The following MALRD1 variants were observed in gnomAD, a reference collection of about 807,000 sequenced individuals.
MALRD1 encodes the protein MAM and LDL receptor class A domain containing 1.
A neutral mutation model predicts 242.1 loss-of-function variants in MALRD1; 247 were observed. The observed-to-expected ratio is 1.02, with a 90% CI of 0.92 to 1.13. The LOEUF (loss-of-function observed/expected upper bound fraction) is 1.13, where lower values mean the gene tolerates loss of function less well. Ranked by LOEUF, MALRD1 falls within the 50% of genes most tolerant of loss-of-function variation. MALRD1 has a pLI of 0.00. For missense variants in MALRD1, 2,989 were observed against 2,533.1 expected (o/e 1.18, Z -3.86); for synonymous variants, 995 against 866.6 (o/e 1.15, Z -2.60).
rs547602509 is a variant in MALRD1 at position 19,693,580 on chromosome 10, A to T, written c.6314+1026A>T. On this transcript the variant is annotated intron_variant, in intron 38 of 39. Coordinates refer to ENST00000454679, the MANE Select transcript of MALRD1 (RefSeq NM_001142308.3). ...ACTGCTCAAGGAAATAAAAGAGGAC[A>T]CAAACAAATGGAAGAACCTTCCATG... 2.6e-5 allele frequency among the ~76,000 whole-genome samples: 4 copies of T among 152,334 alleles called. No homozygotes were observed. In the South Asian group the frequency reaches 8.3e-4, roughly 32 times the overall value.
intron 13 of MALRD1, among the ~76,000 whole-genome samples, chr10:19,174,263 G>A (rs77048842): frequency 0.071 from 10,823 of 152,142 alleles, 458 homozygotes; most frequent in African/African-American, 0.12. Context: ...GAAGTAAGCC[G>A]GATAATTCCT....
chr10:19,215,792 ATAGTATATTTATTTATATAAATAAT>A (rs1180132058), intron 18 of MALRD1, among the ~76,000 whole-genome samples: 2 of 54,008 alleles, frequency 3.7e-5, no homozygotes, highest in Admixed American at 2.4e-4. Flanking sequence ...GTATAAATAA[ATAGTATATTTATTTATATAAATAAT>A]TAGTATAAAT....
At chr10:19,626,857 T>C (rs1427479045) in intron 36 of MALRD1, among the ~76,000 whole-genome samples, 1 of 152,162 alleles carries the variant, frequency 6.6e-6, no homozygotes, top group Non-Finnish European at 1.5e-5. Context: ...TGTTTGATTT[T>C]GAAATAGGCA....
At chr10:19,631,170 G>A (rs1362621993) in intron 36 of MALRD1, among the ~76,000 whole-genome samples, 1 of 152,066 alleles carries the variant, frequency 6.6e-6, no homozygotes, top group Non-Finnish European at 1.5e-5. Flanking sequence ...GTAGGCCCCA[G>A]TGTCTGTTGT....
At chr10:19,082,487 G>A (rs184756929) in intron 2 of MALRD1, among the ~76,000 whole-genome samples, 1 of 151,760 alleles carries the variant, frequency 6.6e-6, no homozygotes, top group Non-Finnish European at 1.5e-5. Context: ...TATGATTTCT[G>A]TAGTTCTTTA....
chr10:19,101,262 T>TA (rs1339143302), intron 4 of MALRD1, among the ~76,000 whole-genome samples: 4 of 132,492 alleles, frequency 3.0e-5, no homozygotes, highest in African/African-American at 8.6e-5. Flanking sequence ...ATATATATAT[T>TA]CAAAATATAT....
rs1215792088 is a variant in MALRD1 at position 19,133,851 on chromosome 10, C to G, written c.1111-5C>G. The stretch of plus-strand genomic sequence containing the variant: ...ATGAGTGATGTCTTTCTCTTCAAAT[C>G]AAAGGAAGAAGAAATATTTTGGACA... On this transcript the variant is annotated splice_region_variant and splice_polypyrimidine_tract_variant and intron_variant, in intron 8 of 39. Transcript: ENST00000454679. 1.2e-5 allele frequency: 15 copies of G among 1,215,682 alleles called. No individual in the cohort carries two copies. The highest frequency in any genetic ancestry group is 4.7e-5 in the African/African-American group (3 of 63,698). 75.3% of individuals were successfully genotyped at this position (1,215,682 alleles called of 1,614,324 possible).
intron 8 of MALRD1, among the ~76,000 whole-genome samples, chr10:19,133,485 A>G (rs1004056591): frequency 2.6e-5 from 4 of 152,180 alleles, no homozygotes; most frequent in African/African-American, 9.7e-5. Flanking sequence ...CTTTTCTAGT[A>G]TCATGGCAGT....
Position 19,400,100 on chromosome 10 carries a change from T to C in MALRD1, c.4845+10491T>C, listed in dbSNP as rs182510290. On this transcript the variant is annotated intron_variant, in intron 28 of 39. Transcript: ENST00000454679. The stretch of plus-strand genomic sequence containing the variant: ...GATTTAAACATATATTTAGTGAGCT[T>C]TTCCTTAATACACTGTCTACTATCA... 3.4e-4 allele frequency among the ~76,000 whole-genome samples: 52 copies of C among 152,306 alleles called. No individual in the cohort carries two copies. The East Asian group carries it at 7.5e-3, about 22-fold the overall frequency.
intron 29 of MALRD1, among the ~76,000 whole-genome samples, chr10:19,476,953 A>C (rs544059348): frequency 2.0e-5 from 3 of 152,320 alleles, no homozygotes; most frequent in African/African-American, 7.2e-5. Context: ...TTCTACTGAA[A>C]AACACTAATG....
chr10:19,448,386 A>C (rs1835121281), intron 28 of MALRD1, among the ~76,000 whole-genome samples: 1 of 152,172 alleles, frequency 6.6e-6, no homozygotes, highest in African/African-American at 2.4e-5. Context: ...ACCCAGGACC[A>C]AGGAATATTA....
intron 24 of MALRD1, among the ~76,000 whole-genome samples, chr10:19,334,128 T>TG (rs1236455980): frequency 2.7e-5 from 4 of 147,176 alleles, no homozygotes; most frequent in African/African-American, 1.0e-4. Context: ...GGTTTTTTTT[T>TG]TTTTTTTTTT....
chr10:19,488,851 T>TGACC (rs1837344518), intron 29 of MALRD1: 1 of 350,692 alleles, frequency 2.9e-6, no homozygotes, highest in Admixed American at 3.8e-5. Flanking sequence ...ATGTCATGAA[T>TGACC]GACCTTCCTG....
chr10:19,205,396 GTTAA>G (rs1735822127), intron 17 of MALRD1, 131 bp downstream of exon 17: 1 of 1,095,324 alleles, frequency 9.1e-7, no homozygotes, highest in Admixed American at 3.0e-5. Flanking sequence ...GTTATGTGTG[GTTAA>G]TTAGTCAAGC....
At chr10:19,353,809 C>A (rs185269891) in intron 26 of MALRD1, among the ~76,000 whole-genome samples, 1 of 152,040 alleles carries the variant, frequency 6.6e-6, no homozygotes, top group Non-Finnish European at 1.5e-5. Context: ...ATTATTTGAT[C>A]GTAATAAAAA....
chr10:19,491,986 T>TC (rs1474702675), intron 30 of MALRD1, among the ~76,000 whole-genome samples: 1 of 151,292 alleles, frequency 6.6e-6, no homozygotes, highest in African/African-American at 2.4e-5. Context: ...TCTTTATTGG[T>TC]TGTTTTTTTT....
intron 32 of MALRD1, among the ~76,000 whole-genome samples, chr10:19,549,327 T>C (rs1161442023): frequency 1.3e-5 from 2 of 152,160 alleles, no homozygotes; most frequent in Admixed American, 1.3e-4. Flanking sequence ...TTGAAAGAAG[T>C]TCTACTGTGG....
At chr10:19,226,870 C>T (rs1471439716) in intron 18 of MALRD1, among the ~76,000 whole-genome samples, 1 of 151,868 alleles carries the variant, frequency 6.6e-6, no homozygotes, top group Admixed American at 6.6e-5. Context: ...TTTCTATACA[C>T]AATCAACACC....
intron 28 of MALRD1, among the ~76,000 whole-genome samples, chr10:19,430,186 C>T (rs1442565068): frequency 7.8e-6 from 1 of 128,652 alleles, no homozygotes; most frequent in African/African-American, 3.0e-5. Context: ...ACAGTCTTGG[C>T]TCACTGCAAG....
Sources: allele counts gnomAD v4.1 joint callset (sites outside exome capture counted in the v4.1 genomes callset), GRCh38; gene constraint gnomAD v4.1.1; transcripts MANE v1.5; gene names NCBI Gene and HGNC (gene_info 2026-07-23, HGNC 2026-07-21).